ACTR8: variants seen among roughly 807,000 people sequenced by gnomAD.
ACTR8 encodes the protein actin related protein 8, also known as actin-related protein 8.
ACTR8 carries 70 observed loss-of-function variants against 84.3 expected under a neutral mutation model. That is an observed-to-expected ratio of 0.83 (90% CI 0.68 to 1.01). The LOEUF is 1.01. Ranked by LOEUF, ACTR8 falls within the 50% of genes least tolerant of loss-of-function variation. ACTR8 has a pLI of 0.00. For synonymous variants in ACTR8, 268 were observed against 275.2 expected, an observed-to-expected ratio of 0.97 and a Z score of 0.26; for missense variants, 672 against 775.4, an observed-to-expected ratio of 0.87 and a Z score of 1.58.
downstream of ACTR8, among the ~76,000 whole-genome samples, chr3:53,864,009 G>C (rs1699675935): frequency 6.6e-6 from 1 of 151,992 alleles, no homozygotes; most frequent in South Asian, 2.1e-4. Flanking sequence ...TTTTTGTTGA[G>C]ATGGGGTTTC....
chr3:53,870,477 C>G lies in ACTR8; in HGVS notation c.1568-332G>C, dbSNP rs901918344. ...ACCAGCCTGGCCAACATAGTGAAAC[C>G]CTGTCTCTACTAAAAATACAAAAAG... On this transcript the variant is annotated intron_variant, in intron 11 of 12. Transcript: ENST00000335754. The surrounding 1 kb of genome is among the most constrained non-coding windows in gnomAD (Gnocchi z 4.1). 1.4e-4 allele frequency among the ~76,000 whole-genome samples: 21 copies of G among 152,130 alleles called. No individual in the cohort carries two copies. The highest frequency in any genetic ancestry group is 3.1e-4 in the Non-Finnish European group (21 of 68,038).
At chr3:53,871,553 T>TG (rs1699884572) in intron 10 of ACTR8, 57 bp from the exon 11 acceptor site, 4 of 1,590,140 alleles carry the variant, frequency 2.5e-6, no homozygotes, top group Admixed American at 3.4e-5. Flanking sequence ...ACACTATTGA[T>TG]GTTGTCTAGC....
At chr3:53,859,313 T>C in the ACTR8 span, 1 of 152,836 alleles carries the variant, frequency 6.5e-6, no homozygotes, top group Admixed American at 6.5e-5. Flanking sequence ...TCTCTGGAGT[T>C]AGAGATGTGT....
Position 53,868,635 on chromosome 3 carries a change from T to G in ACTR8, c.*84A>C, listed in dbSNP as rs1166768743. The G allele has an allele frequency of 6.5e-7, 1 of 1,537,914 alleles. No homozygotes were observed. The highest frequency in any genetic ancestry group is 1.4e-5 in the African/African-American group (1 of 72,540). On this transcript the variant is annotated 3_prime_UTR_variant, in exon 13 of 13. Transcript: ENST00000335754. ...CATGACACTTAAGCATCCAGATCAATAAATTACAATACACATATTCTGTAA... is the reference window on the plus strand; with the variant it reads ...CATGACACTTAAGCATCCAGATCAAGAAATTACAATACACATATTCTGTAA...
In ACTR8 at chr3:53,870,770, C is replaced by G. The variant is rs1388395810; in HGVS notation, c.1567+462G>C. Among the ~76,000 whole-genome samples, 1 of 152,204 alleles carries G rather than the reference C, an allele frequency of 6.6e-6. No individual in the cohort carries two copies. Among genetic ancestry groups the G allele is most frequent in the East Asian group, 1.9e-4 (1 of 5,200 alleles). On this transcript the variant is annotated intron_variant, in intron 11 of 12. Coordinates refer to ENST00000335754, the MANE Select transcript of ACTR8 (RefSeq NM_022899.5). The surrounding 1 kb of genome is among the most constrained non-coding windows in gnomAD (Gnocchi z 4.1). ...CCACACAGGTCTTCACAGGCTTCTTCCTCTACCCCATCTGTGACTGCTAAC... is the reference window on the plus strand; with the variant it reads ...CCACACAGGTCTTCACAGGCTTCTTGCTCTACCCCATCTGTGACTGCTAAC...
chr3:53,865,845 G>T (rs988783650), downstream of ACTR8: 2 of 152,298 alleles, frequency 1.3e-5, no homozygotes, highest in Non-Finnish European at 2.9e-5. Flanking sequence ...TGTATGATTT[G>T]GTATTTGCAT....
chr3:53,871,621 G>T, intron 10 of ACTR8, 125 bp from the exon 11 acceptor site: 2 of 1,072,386 alleles, frequency 1.9e-6, no homozygotes, highest in Non-Finnish European at 2.7e-6. Flanking sequence ...TACAACAACT[G>T]CCCAGCACCC....
rs969154827 is a variant in ACTR8, at chr3:53,871,272, C to A, written c.1527G>T (p.Leu509=). 6 of 1,614,136 alleles carry A rather than the reference C, an allele frequency of 3.7e-6. No individual in the cohort carries two copies. The Admixed American group carries it at 5.0e-5, about 13-fold the overall frequency. Residue 509 remains leucine (L), a synonymous_variant, in exon 11 of 13, where the codon CTG becomes CTT. Transcript: ENST00000335754. The stretch of plus-strand genomic sequence containing the variant: ...TATGGAGGATGGCTTTATCCAGGCC[C>A]AGGGCTTTTCCTTCAAACAGCGAGA... ...TAISLFEGKA[L]GLDKAILHSI... is the part of the protein sequence containing the mutation.
intron 5 of ACTR8, among the ~76,000 whole-genome samples, chr3:53,877,000 AG>A (rs1204253740): frequency 6.6e-6 from 1 of 152,132 alleles, no homozygotes; most frequent in Admixed American, 6.5e-5. Flanking sequence ...TGCTGATTCG[AG>A]TAATAGAGAC....
chr3:53,877,577 C>T, intron 4 of ACTR8, 70 bp downstream of exon 4: 4 of 1,500,702 alleles, frequency 2.7e-6, no homozygotes, highest in Non-Finnish European at 3.7e-6. Flanking sequence ...GACTGGGTGG[C>T]AACGTAAATG....
At chr3:53,862,045 C>A in the ACTR8 span, among the ~76,000 whole-genome samples, 1 of 152,164 alleles carries the variant, frequency 6.6e-6, no homozygotes, top group Non-Finnish European at 1.5e-5. Context: ...TTTGGTTGTA[C>A]AATAAGAAGG....
chr3:53,864,338 C>A (rs1258003345), downstream of ACTR8, among the ~76,000 whole-genome samples: 1 of 152,142 alleles, frequency 6.6e-6, no homozygotes, highest in African/African-American at 2.4e-5. Context: ...AGATCGAGAC[C>A]ATCCTGGCTA....
chr3:53,862,340 A>G (rs760907843), downstream of ACTR8, among the ~76,000 whole-genome samples: 7 of 152,326 alleles, frequency 4.6e-5, no homozygotes, highest in Non-Finnish European at 7.3e-5. Flanking sequence ...GGACGAGAAC[A>G]CCAACAGAGA....
intron 6 of ACTR8, 53 bp from the exon 7 acceptor site, chr3:53,876,133 A>AT: frequency 6.2e-7 from 1 of 1,600,036 alleles, no homozygotes; most frequent in South Asian, 1.1e-5. Context: ...CACGGTAAAG[A>AT]TCCCAAAACA....
chr3:53,880,038 G>A lies in ACTR8; in HGVS notation c.195C>T (p.Asp65=). 1 of 1,614,184 alleles carries A rather than the reference G, an allele frequency of 6.2e-7. No individual in the cohort carries two copies. Among genetic ancestry groups the A allele is most frequent in the Non-Finnish European group, 8.5e-7 (1 of 1,180,012 alleles). The stretch of plus-strand genomic sequence containing the variant: ...CGTGAGGAATGCTGGCAGGAAGAGT[G>A]TCTGTGGCTCGACCAATCCTTAAAG... ...STTLRIGRAT[D]TLPASIPHVI... Residue 65 remains aspartate, a synonymous_variant, in exon 2 of 13, where the codon GAC becomes GAT. Transcript: ENST00000335754.
chr3:53,881,765 C>T, intron 1 of ACTR8: 1 of 707,790 alleles, frequency 1.4e-6, no homozygotes, highest in Non-Finnish European at 2.3e-6. Flanking sequence ...GGTGTCCCTG[C>T]GGGGGCTCCG....
downstream of ACTR8, chr3:53,865,509 G>T: frequency 3.8e-6 from 2 of 531,536 alleles, no homozygotes; most frequent in South Asian, 3.0e-5. Context: ...CAACTTCAAA[G>T]CTGTTTTATA....
At position 53,872,448 on chromosome 3, in the gene ACTR8, T is replaced by C; in HGVS notation, c.1238A>G (p.Gln413Arg). Residue 413 changes from glutamine (Q) to arginine (R), a missense_variant, in exon 10 of 13, where the codon CAG becomes CGG. Coordinates refer to ENST00000335754, the MANE Select transcript of ACTR8 (RefSeq NM_022899.5). The stretch of plus-strand genomic sequence containing the variant: ...ATCGTGAGGATCCTCAGGATCGCCC[T>C]GAGATCTGTGCTGCAAAGTCGTCAT... ...QKMTTLQHRS[Q>R]GDPEDPHDEH... 1.2e-6 allele frequency: 2 copies of C among 1,612,114 alleles called. No individual in the cohort carries two copies. Among genetic ancestry groups the C allele is most frequent in the South Asian group, 1.1e-5 (1 of 90,748 alleles).
intron 11 of ACTR8, 54 bp downstream of exon 11, chr3:53,871,178 T>C: frequency 1.3e-6 from 2 of 1,585,926 alleles, no homozygotes; most frequent in Non-Finnish European, 1.7e-6. Flanking sequence ...AACCAATTTA[T>C]TTAACTGCTA....
Sources: allele counts gnomAD v4.1 joint callset (sites outside exome capture counted in the v4.1 genomes callset), GRCh38; gene constraint gnomAD v4.1.1; non-coding constraint Gnocchi (gnomAD v3.1); transcripts MANE v1.5; gene names NCBI Gene and HGNC (gene_info 2026-07-23, HGNC 2026-07-21).